Variants in ASPSCR1 observed in about 807,000 individuals in gnomAD.
ASPSCR1 encodes the protein tether containing UBX domain for GLUT4.
ASPSCR1 carries 55 observed loss-of-function variants against 68.9 expected under a neutral mutation model. That is an observed-to-expected ratio of 0.80 (90% CI 0.64 to 1.00). ASPSCR1 has a LOEUF of 1.00. ASPSCR1 is among the 50% of genes least tolerant of loss of function. ASPSCR1 has a pLI of 0.00. For missense variants in ASPSCR1, 765 were observed against 762.2 expected, an observed-to-expected ratio of 1.00 and a Z score of -0.04; for synonymous variants, 352 against 332.6, an observed-to-expected ratio of 1.06 and a Z score of -0.63.
chr17:81,996,313 G>A (rs2042336075), intron 6 of ASPSCR1, 107 bp from the exon 7 acceptor site: 3 of 1,476,642 alleles, frequency 2.0e-6, no homozygotes, highest in Non-Finnish European at 9.0e-7. Context: ...TGAACCGGGG[G>A]CGGGAGAGGG....
intron 3 of ASPSCR1, among the ~76,000 whole-genome samples, chr17:81,985,157 C>T (rs940745573): frequency 7.3e-5 from 11 of 150,604 alleles, no homozygotes; most frequent in South Asian, 2.1e-4. Flanking sequence ...CACGCACATG[C>T]GCACACCTGC....
intron 12 of ASPSCR1, chr17:82,012,924 C>T (rs1451583896): frequency 6.5e-6 from 1 of 153,824 alleles, no homozygotes; most frequent in African/African-American, 2.4e-5. Flanking sequence ...GGAGAGCTGC[C>T]TGGGGCCTTC....
In ASPSCR1 at chr17:81,987,487, G is replaced by A. The variant is rs2042033886; in HGVS notation, c.374+1880G>A. 6.6e-6 allele frequency among the ~76,000 whole-genome samples: 1 copy of A among 152,180 alleles called. No individual in the cohort carries two copies. The highest frequency in any genetic ancestry group is 2.1e-4 in the South Asian group (1 of 4,830). On this transcript the variant is annotated intron_variant, in intron 4 of 15. Coordinates refer to ENST00000306739, the MANE Select transcript of ASPSCR1 (RefSeq NM_024083.4). The surrounding 1 kb of genome is among the most constrained non-coding windows in gnomAD (Gnocchi z 5.6). ...TGAACAGAATCCAGTGCTCCCACAG[G>A]CACAGGTGCTTGGTGAGGGCCGTCC...
At chr17:82,010,398 G>A (rs1249071781) in intron 9 of ASPSCR1, among the ~76,000 whole-genome samples, 1 of 151,708 alleles carries the variant, frequency 6.6e-6, no homozygotes, top group Non-Finnish European at 1.5e-5. Context: ...GAGAGGTGGC[G>A]CACGCCTGTA....
At chr17:82,011,230 C>T (rs1410552822) in intron 10 of ASPSCR1, among the ~76,000 whole-genome samples, 9 of 143,620 alleles carry the variant, frequency 6.3e-5, no homozygotes, top group African/African-American at 1.8e-4. Flanking sequence ...TGTACCCAGA[C>T]GGCCGGGCGG....
At chr17:82,014,874 G>C in intron 12 of ASPSCR1, 1 of 676,900 alleles carries the variant, frequency 1.5e-6, no homozygotes, top group Admixed American at 3.0e-5. Flanking sequence ...GGAGGGGCCG[G>C]CTCCAGGCCC....
chr17:82,010,366 A>G (rs909976877), intron 9 of ASPSCR1, among the ~76,000 whole-genome samples: 2 of 151,386 alleles, frequency 1.3e-5, no homozygotes, highest in Non-Finnish European at 2.9e-5. Context: ...CATCTCTACT[A>G]AAAATACAAA....
Position 81,987,643 on chromosome 17 carries a change from C to T in ASPSCR1, c.374+2036C>T, listed in dbSNP as rs2042039335. ...GGGCCGGCATTGTGGTAGCATAAGC[C>T]TCTTCAACAGACTTTGTAAACCTCG... On this transcript the variant is annotated intron_variant, in intron 4 of 15. Coordinates refer to ENST00000306739, the MANE Select transcript of ASPSCR1 (RefSeq NM_024083.4). The surrounding 1 kb of genome is among the most constrained non-coding windows in gnomAD (Gnocchi z 5.6). Among the ~76,000 whole-genome samples, 1 of 152,150 alleles carries T rather than the reference C, an allele frequency of 6.6e-6. No homozygotes were observed. The highest frequency in any genetic ancestry group is 2.4e-5 in the African/African-American group (1 of 41,428).
At chr17:82,016,354 G>T in intron 12 of ASPSCR1, 122 bp from the exon 13 acceptor site, 1 of 873,270 alleles carries the variant, frequency 1.1e-6, no homozygotes. Flanking sequence ...GCTCATGGGG[G>T]CCGGGCAGGC....
chr17:82,010,860 G>T lies in ASPSCR1; in HGVS notation c.1229G>T (p.Ser410Ile). The T allele has an allele frequency of 1.2e-6, 2 of 1,612,576 alleles. No individual in the cohort carries two copies. Among genetic ancestry groups the T allele is most frequent in the Non-Finnish European group, 1.7e-6 (2 of 1,179,908 alleles). ...GTCCTACAGGGCTTCTTCCGCCCCA[G>T]CGAGACAGGTGGGCAGCGCTGTGGG... ...RYVLQGFFRP[S>I]ETVGDLRDFV... The change falls in exon 10 of 16, where the codon AGC (serine) becomes ATC (isoleucine). Residue 410 changes from serine to isoleucine, a missense_variant. Transcript: ENST00000306739.
intron 7 of ASPSCR1, among the ~76,000 whole-genome samples, chr17:82,003,761 C>T (rs868205896): frequency 1.1e-4 from 17 of 152,256 alleles, no homozygotes; most frequent in Non-Finnish European, 2.1e-4. Context: ...CCACAGAGCC[C>T]GCGCCCACGC....
At position 82,013,479 on chromosome 17, in the gene ASPSCR1, GTGCCTGCC is replaced by G. The variant is rs143225273; in HGVS notation, c.1353+1209_1353+1216del. On this transcript the variant is annotated intron_variant, in intron 12 of 15. Transcript: ENST00000306739. ...CTCTCGGGGTGGTGTCCCCGGTGAC[GTGCCTGCC>G]TGCCTGCCTGCCGTCAGAGAGCTGG... 2.6e-5 allele frequency: 4 copies of G among 152,128 alleles called. No homozygotes were observed. The East Asian group carries it at 5.8e-4, about 22-fold the overall frequency. 9.4% of individuals were successfully genotyped at this position (152,128 alleles called of 1,614,324 possible). A position where few individuals can be genotyped will look rare whatever the true frequency, so the allele number is the denominator to read the frequency against.
intron 12 of ASPSCR1, chr17:82,015,282 C>G (rs759729612): frequency 1.9e-6 from 3 of 1,598,238 alleles, no homozygotes; most frequent in South Asian, 2.2e-5. Context: ...ACCCTCCTCT[C>G]CACCATCCCC....
intron 12 of ASPSCR1, chr17:82,015,364 G>C (rs763244054): frequency 1.9e-5 from 30 of 1,595,402 alleles, no homozygotes; most frequent in Middle Eastern, 3.3e-4. Context: ...CGGGTAGGCT[G>C]CCTGGCTCAG....
At chr17:82,013,186 TCCCCTCTCAGCCCC>T (rs1343163156) in intron 12 of ASPSCR1, 1 of 152,004 alleles carries the variant, frequency 6.6e-6, no homozygotes, top group African/African-American at 2.4e-5. Flanking sequence ...GGTGAGACAG[TCCCCTCTCAGCCCC>T]CGAGCTGCCG....
intron 3 of ASPSCR1, among the ~76,000 whole-genome samples, chr17:81,984,809 AC>A (rs1299944261): frequency 1.5e-5 from 2 of 132,668 alleles, no homozygotes. Context: ...ACACCCACAT[AC>A]CCGCACACCC....
chr17:82,008,990 GGGCCC>G, intron 7 of ASPSCR1, 42 bp from the exon 8 acceptor site: 1 of 1,445,262 alleles, frequency 6.9e-7, no homozygotes. Flanking sequence ...GGGGTGCGGA[GGGCCC>G]AGCCCGTGAC....
chr17:81,979,872 C>G (rs901901823), intron 2 of ASPSCR1, among the ~76,000 whole-genome samples: 6 of 152,216 alleles, frequency 3.9e-5, no homozygotes, highest in Admixed American at 3.3e-4. Flanking sequence ...GCCAGACTCT[C>G]AAGGAGTCTG....
intron 7 of ASPSCR1, among the ~76,000 whole-genome samples, chr17:82,004,075 T>G (rs2042625157): frequency 6.6e-6 from 1 of 152,230 alleles, no homozygotes; most frequent in Non-Finnish European, 1.5e-5. Flanking sequence ...GTTCACATTT[T>G]TCCTCTGTGT....
Sources: gnomAD v4.1 joint callset for allele counts (sites outside exome capture counted in the v4.1 genomes callset) on GRCh38, gnomAD v4.1.1 for gene constraint, Gnocchi (gnomAD v3.1) non-coding constraint, MANE v1.5 for transcripts, NCBI Gene and HGNC (gene_info 2026-07-23, HGNC 2026-07-21) for gene names.